The following EPB41L4A variants were observed in gnomAD, a reference collection of about 807,000 sequenced individuals.
EPB41L4A encodes erythrocyte membrane protein band 4.1 like 4A.
Under a neutral mutation model 108.6 loss-of-function variants are expected in EPB41L4A, and 100 were observed. The observed-to-expected ratio is 0.92, with a 90% CI of 0.78 to 1.09. EPB41L4A has a LOEUF of 1.09. EPB41L4A is among the 50% of genes least tolerant of loss of function. The pLI, the probability that EPB41L4A is intolerant of heterozygous loss-of-function variation, is 0.00. For synonymous variants in EPB41L4A, 319 were observed against 289.0 expected, an observed-to-expected ratio of 1.10 and a Z score of -1.05; for missense variants, 1,030 against 842.7, an observed-to-expected ratio of 1.22 and a Z score of -2.75.
chr5:112,346,195 C>A (rs965114617), intron 1 of EPB41L4A, among the ~76,000 whole-genome samples: 3 of 86,116 alleles, frequency 3.5e-5, no homozygotes, highest in South Asian at 5.0e-4. Flanking sequence ...GAAAAAAATT[C>A]TTTAAAGTTA....
At chr5:112,419,795 G>A, upstream of EPB41L4A, 2 of 456,754 alleles carry the variant, frequency 4.4e-6, no homozygotes, top group Non-Finnish European at 8.8e-6. Context: ...GTCGCGGGGT[G>A]TGGCTCCCGT....
intron 7 of EPB41L4A, 113 bp downstream of exon 7, chr5:112,262,381 T>G (rs961726047): frequency 1.2e-6 from 1 of 814,744 alleles, no homozygotes; most frequent in Non-Finnish European, 2.0e-6. Flanking sequence ...GATAAAAAAG[T>G]ATCATCTGCT....
chr5:112,385,246 T>C (rs1366038611), intron 1 of EPB41L4A, among the ~76,000 whole-genome samples: 1 of 152,118 alleles, frequency 6.6e-6, no homozygotes, highest in Non-Finnish European at 1.5e-5. Context: ...AAAAGATGCA[T>C]AGCTGTATCA....
chr5:112,216,976 A>ATT (rs564536334), intron 12 of EPB41L4A, among the ~76,000 whole-genome samples: 2 of 147,466 alleles, frequency 1.4e-5, no homozygotes, highest in Admixed American at 6.8e-5. Flanking sequence ...TCATCATGGA[A>ATT]TTTTTTTTTT....
chr5:112,320,295 C>G (rs147020738), intron 1 of EPB41L4A, among the ~76,000 whole-genome samples: 1 of 152,202 alleles, frequency 6.6e-6, no homozygotes, highest in Admixed American at 6.5e-5. Context: ...GTGACCCACT[C>G]TATAGCAGTC....
intron 12 of EPB41L4A, among the ~76,000 whole-genome samples, chr5:112,149,481 AAG>A (rs1323806629): frequency 2.0e-5 from 3 of 152,164 alleles, no homozygotes; most frequent in Non-Finnish European, 2.9e-5. Context: ...CAAAAAGAAA[AAG>A]AGAGACTTTG....
chr5:112,220,903 C>A (rs1011250318), intron 12 of EPB41L4A, among the ~76,000 whole-genome samples: 5 of 152,184 alleles, frequency 3.3e-5, no homozygotes, highest in African/African-American at 1.2e-4. Context: ...GCTAAGCCCC[C>A]CTCCAGGTTA....
chr5:112,332,068 G>T (rs1362403839), intron 1 of EPB41L4A, among the ~76,000 whole-genome samples: 1 of 152,188 alleles, frequency 6.6e-6, no homozygotes, highest in East Asian at 1.9e-4. Flanking sequence ...TAAGGGATCT[G>T]GTGTGTGAAC....
intron 1 of EPB41L4A, among the ~76,000 whole-genome samples, chr5:112,411,428 G>A (rs1225552077): frequency 2.0e-5 from 3 of 152,156 alleles, no homozygotes; most frequent in South Asian, 2.1e-4. Flanking sequence ...TTAGGCAGGG[G>A]TGGCAGAGAT....
In EPB41L4A at chr5:112,240,755, A is replaced by G; in HGVS notation, c.851T>C (p.Leu284Pro). The change falls in exon 10 of 23, where the codon CTC becomes CCC. Residue 284 changes from leucine to proline, a missense_variant. Leu to Pro is a moderately conservative substitution (Grantham distance 98). Coordinates refer to ENST00000261486, the MANE Select transcript of EPB41L4A (RefSeq NM_022140.5). ...EARSKTACKHLWKCSVEHHTF... is the reference protein window; with the variant it reads ...EARSKTACKHPWKCSVEHHTF... ...ATGATGTTCCACACTGCACTTCCAG[A>G]GGTGCTTGCAAGCAGTTTTACTCCG... The G allele has an allele frequency of 6.3e-7, 1 of 1,585,620 alleles. No homozygotes were observed. The highest frequency in any genetic ancestry group is 8.5e-7 in the Non-Finnish European group (1 of 1,172,794).
intron 1 of EPB41L4A, among the ~76,000 whole-genome samples, chr5:112,399,000 T>C (rs2112730958): frequency 6.6e-6 from 1 of 151,656 alleles, no homozygotes; most frequent in Middle Eastern, 3.5e-3. Context: ...TAGCCCCATG[T>C]TAAAAAGAGG....
At chr5:112,267,277 C>A (rs1211631235) in intron 4 of EPB41L4A, among the ~76,000 whole-genome samples, 1 of 151,796 alleles carries the variant, frequency 6.6e-6, no homozygotes, top group East Asian at 1.9e-4. Context: ...TAAGGTGACT[C>A]GATGTCACTG....
chr5:112,200,014 C>A (rs17321319), intron 15 of EPB41L4A, among the ~76,000 whole-genome samples: 5,165 of 152,348 alleles, frequency 0.034, 102 homozygotes, highest in Non-Finnish European at 0.05. Context: ...CTGTAAAAAA[C>A]CACTGGTCTA....
At chr5:112,358,679 T>A (rs962066011) in intron 1 of EPB41L4A, among the ~76,000 whole-genome samples, 1 of 152,194 alleles carries the variant, frequency 6.6e-6, no homozygotes, top group African/African-American at 2.4e-5. Flanking sequence ...ACACCTACCC[T>A]ATGATATAGC....
chr5:112,231,677 C>T (rs1434025635), intron 12 of EPB41L4A, among the ~76,000 whole-genome samples: 4 of 147,424 alleles, frequency 2.7e-5, no homozygotes, highest in African/African-American at 9.9e-5. Context: ...CCCAGCTACT[C>T]GGGAGGCTGA....
At chr5:112,151,272 T>G (rs1434929189) in intron 12 of EPB41L4A, among the ~76,000 whole-genome samples, 1 of 150,606 alleles carries the variant, frequency 6.6e-6, no homozygotes, top group East Asian at 1.9e-4. Flanking sequence ...AAATATACAA[T>G]AATAGAATTA....
intron 13 of EPB41L4A, among the ~76,000 whole-genome samples, chr5:112,209,012 T>G (rs1261249979): frequency 6.6e-6 from 1 of 152,222 alleles, no homozygotes; most frequent in Non-Finnish European, 1.5e-5. Context: ...GCGTAAAATA[T>G]TAAAACTCTG....
chr5:112,191,639 G>C lies in EPB41L4A; in HGVS notation c.1502+2929C>G, dbSNP rs548158004. Among the ~76,000 whole-genome samples, 79 of 151,632 alleles carry C rather than the reference G, an allele frequency of 5.2e-4. 1 individual carries two copies. The South Asian group carries it at 8.6e-3, about 16-fold the overall frequency. On this transcript the variant is annotated intron_variant, in intron 17 of 22. Coordinates refer to ENST00000261486, the MANE Select transcript of EPB41L4A (RefSeq NM_022140.5). ...AAAGAAAACAATATTTCCATGGAGT[G>C]GCCTCATGCCTAACAGAAAAGACCT...
chr5:112,163,965 G>A lies in EPB41L4A; in HGVS notation c.*1025C>T, dbSNP rs565919669. 1.3e-5 allele frequency: 2 copies of A among 152,218 alleles called. No homozygotes were observed. The highest frequency in any genetic ancestry group is 4.8e-5 in the African/African-American group (2 of 41,412). The allele number at this position is 152,218 out of a possible 1,614,324, so 9.4% of individuals were successfully genotyped here. A position where few individuals can be genotyped will look rare whatever the true frequency, so the allele number is the denominator to read the frequency against. On this transcript the variant is annotated 3_prime_UTR_variant, in exon 23 of 23. Transcript: ENST00000261486. ...GTGGAGAGAACTGTACGTGGTAAGG[G>A]GGAGATATAAGATGTCCTGCATAAG...
Sources: allele counts gnomAD v4.1 joint callset (sites outside exome capture counted in the v4.1 genomes callset), GRCh38; gene constraint gnomAD v4.1.1; transcripts MANE v1.5; gene names NCBI Gene and HGNC (gene_info 2026-07-23, HGNC 2026-07-21).